ARHGAP24: variants seen among roughly 807,000 people sequenced by gnomAD.
ARHGAP24 encodes the protein Rho GTPase activating protein 24, also known as rho GTPase-activating protein 24.
In ARHGAP24, 50 loss-of-function variants were observed where a neutral mutation model predicts 76.4. The observed-to-expected ratio is 0.65, with a 90% CI of 0.52 to 0.83. The LOEUF (loss-of-function observed/expected upper bound fraction) is 0.83. Among genes scored for constraint, ARHGAP24 ranks in the 40% least tolerant of loss-of-function variants. The probability of loss-of-function intolerance (pLI) is 0.00; values close to 1 mark genes in which losing one functional copy is unlikely to be tolerated. For missense variants in ARHGAP24, 930 were observed against 914.2 expected, an observed-to-expected ratio of 1.02 and a Z score of -0.22; for synonymous variants, 345 against 323.3, an observed-to-expected ratio of 1.07 and a Z score of -0.72.
intron 1 of ARHGAP24, among the ~76,000 whole-genome samples, chr4:85,567,808 C>T (rs1306147125): frequency 1.3e-5 from 2 of 152,166 alleles, no homozygotes; most frequent in Non-Finnish European, 2.9e-5. Context: ...AATATTAAGA[C>T]TTCTCTATAA....
At chr4:85,836,068 T>A (rs1730270908) in intron 3 of ARHGAP24, among the ~76,000 whole-genome samples, 1 of 151,646 alleles carries the variant, frequency 6.6e-6, no homozygotes, top group Non-Finnish European at 1.5e-5. Flanking sequence ...TATTGACACC[T>A]GCAGTGACAG....
chr4:85,784,650 C>G (rs1387730702), intron 3 of ARHGAP24, among the ~76,000 whole-genome samples: 3 of 152,030 alleles, frequency 2.0e-5, no homozygotes, highest in Non-Finnish European at 4.4e-5. Flanking sequence ...CTATGGTATT[C>G]CAGTGCTTCA....
intron 1 of ARHGAP24, among the ~76,000 whole-genome samples, chr4:85,500,975 G>C (rs909335536): frequency 1.3e-5 from 2 of 151,856 alleles, no homozygotes; most frequent in East Asian, 3.9e-4. Context: ...GCGGTGTTTG[G>C]TTTTCTGTCT....
intron 5 of ARHGAP24, among the ~76,000 whole-genome samples, chr4:85,955,350 T>TA (rs1255631653): frequency 3.3e-5 from 5 of 151,624 alleles, no homozygotes; most frequent in Non-Finnish European, 7.4e-5. Context: ...AGGGTTGCCA[T>TA]AAAAAAGCAT....
intron 2 of ARHGAP24, among the ~76,000 whole-genome samples, chr4:85,695,262 G>C (rs894148841): frequency 5.9e-5 from 9 of 152,176 alleles, no homozygotes; most frequent in African/African-American, 2.2e-4. Flanking sequence ...AACTATGTAA[G>C]TTCTCTGCTA....
Position 85,525,216 on chromosome 4 carries a change from T to C in ARHGAP24, c.-20-45306T>C, listed in dbSNP as rs535469940. ...TGGACTTTTCTGTTTAGATGTGTTT[T>C]TGCTAATAGTTTCATATGCCATGTG... On this transcript the variant is annotated intron_variant, in intron 1 of 9. Coordinates refer to ENST00000395184, the MANE Select transcript of ARHGAP24 (RefSeq NM_001025616.3). Among the ~76,000 whole-genome samples, 7 of 152,106 alleles carry C rather than the reference T, an allele frequency of 4.6e-5. No individual in the cohort carries two copies. In the East Asian group the frequency reaches 1.2e-3, roughly 25 times the overall value.
chr4:85,908,383 T>G, intron 3 of ARHGAP24, among the ~76,000 whole-genome samples: 1 of 152,174 alleles, frequency 6.6e-6, no homozygotes, highest in Non-Finnish European at 1.5e-5. Context: ...TCTGTACTCA[T>G]CACAGTGACT....
intron 2 of ARHGAP24, among the ~76,000 whole-genome samples, chr4:85,678,310 C>T (rs1035941982): frequency 6.6e-6 from 1 of 151,720 alleles, no homozygotes; most frequent in African/African-American, 2.4e-5. Context: ...TTTGAGGCTG[C>T]ACTGAGCTAT....
At chr4:85,849,382 G>A (rs1314516258) in intron 3 of ARHGAP24, among the ~76,000 whole-genome samples, 3 of 152,100 alleles carry the variant, frequency 2.0e-5, no homozygotes, top group Admixed American at 6.6e-5. Context: ...ATACAATCAT[G>A]TTATCTGCAA....
chr4:85,667,642 C>T (rs1722683352), intron 2 of ARHGAP24, among the ~76,000 whole-genome samples: 1 of 152,222 alleles, frequency 6.6e-6, no homozygotes, highest in African/African-American at 2.4e-5. Context: ...GCCATCTTGG[C>T]TGCCACGCAC....
At chr4:85,938,185 C>T (rs561137745) in intron 4 of ARHGAP24, among the ~76,000 whole-genome samples, 5 of 152,262 alleles carry the variant, frequency 3.3e-5, no homozygotes, top group Admixed American at 1.3e-4. Context: ...GTCACATCCT[C>T]GGTGATGCTT....
intron 8 of ARHGAP24, among the ~76,000 whole-genome samples, chr4:85,983,954 T>C (rs1739836031): frequency 1.3e-5 from 2 of 152,368 alleles, no homozygotes; most frequent in African/African-American, 4.8e-5. Context: ...TATCATTCAA[T>C]AAATATTCAT....
At chr4:85,715,075 G>T (rs1312229703) in intron 2 of ARHGAP24, among the ~76,000 whole-genome samples, 1 of 151,892 alleles carries the variant, frequency 6.6e-6, no homozygotes, top group Admixed American at 6.6e-5. Context: ...AGAGTAATTG[G>T]GTAAATTAAT....
Position 85,784,905 on chromosome 4 carries a change from C to CTCTA in ARHGAP24, c.268+62985_268+62988dup, listed in dbSNP as rs59888935. ...TGGCAATTTGAAGATGATTATATAT[C>CTCTA]TCTATCTATCTATCTATCTATCTAT... On this transcript the variant is annotated intron_variant, in intron 3 of 9. Transcript: ENST00000395184. Among the ~76,000 whole-genome samples, 339 of 147,768 alleles carry CTCTA rather than the reference C, an allele frequency of 2.3e-3. 2 individuals are homozygous for CTCTA. Among genetic ancestry groups the CTCTA allele is most frequent in the South Asian group, 3.5e-3 (16 of 4,580 alleles).
At chr4:85,539,531 A>G (rs1185424412) in intron 1 of ARHGAP24, among the ~76,000 whole-genome samples, 2 of 152,218 alleles carry the variant, frequency 1.3e-5, no homozygotes, top group Non-Finnish European at 1.5e-5. Context: ...CATATTGAGA[A>G]GAAAGTGTTT....
intron 1 of ARHGAP24, among the ~76,000 whole-genome samples, chr4:85,560,945 A>G (rs1475340466): frequency 6.6e-6 from 1 of 152,198 alleles, no homozygotes; most frequent in East Asian, 1.9e-4. Context: ...TTTGGTGTCA[A>G]TTTTAATGTA....
chr4:85,918,741 G>A (rs1735557322), intron 3 of ARHGAP24, among the ~76,000 whole-genome samples: 2 of 151,958 alleles, frequency 1.3e-5, no homozygotes, highest in Admixed American at 1.3e-4. Context: ...CAAATATATA[G>A]CATATCTCAA....
At chr4:85,540,992 T>C (rs2110122752) in intron 1 of ARHGAP24, among the ~76,000 whole-genome samples, 1 of 152,156 alleles carries the variant, frequency 6.6e-6, no homozygotes. Flanking sequence ...TATATTATAA[T>C]AGATTTAGGT....
intron 2 of ARHGAP24, among the ~76,000 whole-genome samples, chr4:85,671,184 G>A (rs1722803970): frequency 6.6e-6 from 1 of 151,986 alleles, no homozygotes; most frequent in Non-Finnish European, 1.5e-5. Context: ...TAATGCCTCG[G>A]TGCCTTTACA....
Sources: gnomAD v4.1 joint callset for allele counts (sites outside exome capture counted in the v4.1 genomes callset) on GRCh38, gnomAD v4.1.1 for gene constraint, MANE v1.5 for transcripts, NCBI Gene and HGNC (gene_info 2026-07-23, HGNC 2026-07-21) for gene names.